The following SCHIP1 variants were observed in gnomAD, a reference collection of about 807,000 sequenced individuals.
The protein encoded by SCHIP1 is schwannomin-interacting protein 1.
Under a neutral mutation model 29.7 loss-of-function variants are expected in SCHIP1, and 8 were observed. The ratio of observed to expected loss-of-function variants is 0.27; its 90% CI spans 0.16 to 0.49. The LOEUF is 0.49. Among genes scored for constraint, SCHIP1 ranks in the 20% least tolerant of loss-of-function variants. The pLI is 0.99. For missense variants in SCHIP1, 193 were observed against 294.6 expected (o/e 0.66, Z 2.52); for synonymous variants, 76 against 94.9 (o/e 0.80, Z 1.16).
At chr3:159,654,139 T>G in the SCHIP1 span, among the ~76,000 whole-genome samples, 1 of 152,142 alleles carries the variant, frequency 6.6e-6, no homozygotes, top group East Asian at 1.9e-4. Context: ...CGCATAAAGA[T>G]GTCAGAGAAA....
In SCHIP1 at chr3:159,875,421, G is replaced by T. The variant is rs564608614; in HGVS notation, c.149+9140G>T. On this transcript the variant is annotated intron_variant, in intron 2 of 6. Transcript: ENST00000445224. ...TGCCTGAGCTATTGCAAAAGAGGGG[G>T]AGGCAGGAAGAAAAAGACCACAGGG... is the stretch of plus-strand genomic sequence containing the variant. Among the ~76,000 whole-genome samples, 134 of 152,248 alleles carry T rather than the reference G, an allele frequency of 8.8e-4. 1 individual carries two copies. Among genetic ancestry groups the T allele is most frequent in the African/African-American group, 2.9e-3 (121 of 41,540 alleles).
chr3:159,437,849 G>C, the SCHIP1 span, among the ~76,000 whole-genome samples: 1 of 152,126 alleles, frequency 6.6e-6, no homozygotes, highest in Non-Finnish European at 1.5e-5. Flanking sequence ...AAAGATACTA[G>C]TAAGAAGTAA....
At chr3:159,740,205 T>C in the SCHIP1 span, among the ~76,000 whole-genome samples, 1 of 152,140 alleles carries the variant, frequency 6.6e-6, no homozygotes, top group Admixed American at 6.5e-5. Context: ...CAATTCTCAT[T>C]TGAGGGGAGG....
chr3:159,294,306 A>G, the SCHIP1 span, among the ~76,000 whole-genome samples: 1 of 152,224 alleles, frequency 6.6e-6, no homozygotes. Flanking sequence ...GTGTGGTTCC[A>G]TCTCTGCCTC....
chr3:159,858,441 T>C, intron 1 of SCHIP1, among the ~76,000 whole-genome samples: 1 of 152,212 alleles, frequency 6.6e-6, no homozygotes, highest in East Asian at 1.9e-4. Context: ...TAGGTGTTTG[T>C]TAAATACCTT....
chr3:159,705,191 T>C, the SCHIP1 span, among the ~76,000 whole-genome samples: 12 of 152,236 alleles, frequency 7.9e-5, no homozygotes, highest in South Asian at 2.5e-3. Flanking sequence ...CTTGAACTCC[T>C]GACTTCAGGG....
the SCHIP1 span, among the ~76,000 whole-genome samples, chr3:159,516,963 A>G: frequency 6.6e-6 from 1 of 152,290 alleles, no homozygotes; most frequent in African/African-American, 2.4e-5. Flanking sequence ...AGATTAGAAA[A>G]TTCTATTTTT....
chr3:159,397,275 T>A, the SCHIP1 span, among the ~76,000 whole-genome samples: 1 of 152,188 alleles, frequency 6.6e-6, no homozygotes, highest in Non-Finnish European at 1.5e-5. Flanking sequence ...AATGTCCTCC[T>A]GTAGCTCAGA....
the SCHIP1 span, among the ~76,000 whole-genome samples, chr3:159,708,660 T>C: frequency 6.6e-6 from 1 of 152,152 alleles, no homozygotes; most frequent in African/African-American, 2.4e-5. Flanking sequence ...CCTTCACACA[T>C]TTACAGAGGT....
At chr3:159,430,848 A>G in the SCHIP1 span, among the ~76,000 whole-genome samples, 9 of 152,074 alleles carry the variant, frequency 5.9e-5, no homozygotes, top group Admixed American at 5.2e-4. Context: ...CCCGTCCCCC[A>G]TGATGTATAG....
At chr3:159,740,771 G>GA in the SCHIP1 span, among the ~76,000 whole-genome samples, 3,123 of 104,846 alleles carry the variant, frequency 0.03, 83 homozygotes, top group African/African-American at 0.049. Flanking sequence ...CAAAAAAAAA[G>GA]AAAAAAAAAA....
At chr3:159,394,445 G>T in the SCHIP1 span, among the ~76,000 whole-genome samples, 1 of 152,110 alleles carries the variant, frequency 6.6e-6, no homozygotes. Flanking sequence ...GATATTGGCT[G>T]TGGGTTTGTC....
chr3:159,461,019 A>G, the SCHIP1 span, among the ~76,000 whole-genome samples: 1 of 152,038 alleles, frequency 6.6e-6, no homozygotes, highest in Non-Finnish European at 1.5e-5. Context: ...AGTTCGTGGA[A>G]CTTGAGGGCT....
chr3:159,473,674 G>GAAAAAAAAAAAAAAAAAAAGAAAAAAAA, the SCHIP1 span, among the ~76,000 whole-genome samples: 1 of 81,446 alleles, frequency 1.2e-5, no homozygotes, highest in Non-Finnish European at 2.4e-5. Context: ...ATGTAACTAC[G>GAAAAAAAAAAAAAAAAAAAGAAAAAAAA]AAAAAAAAAA....
the SCHIP1 span, chr3:159,764,275 G>C: frequency 2.9e-6 from 2 of 685,414 alleles, no homozygotes; most frequent in East Asian, 6.1e-5. This position sits in a 1 kb window ranked among gnomAD's most constrained non-coding sequence, Gnocchi z 6.1. Flanking sequence ...GCGGGCAGGA[G>C]GGAAGCCTCA....
At chr3:159,782,570 C>T in the SCHIP1 span, among the ~76,000 whole-genome samples, 1 of 152,038 alleles carries the variant, frequency 6.6e-6, no homozygotes, top group Non-Finnish European at 1.5e-5. Flanking sequence ...AAATGCATGG[C>T]TTTATGCCTT....
the SCHIP1 span, among the ~76,000 whole-genome samples, chr3:159,392,506 C>A: frequency 1.3e-5 from 2 of 148,980 alleles, no homozygotes. Context: ...CCCCTTCCTG[C>A]GTCCATGTGA....
At chr3:159,561,521 C>T in the SCHIP1 span, among the ~76,000 whole-genome samples, 2 of 152,044 alleles carry the variant, frequency 1.3e-5, no homozygotes, top group Non-Finnish European at 2.9e-5. Flanking sequence ...TGCTCTTGAC[C>T]TTAAAGATAT....
chr3:159,732,981 G>T, the SCHIP1 span, among the ~76,000 whole-genome samples: 521 of 152,316 alleles, frequency 3.4e-3, 5 homozygotes, highest in African/African-American at 0.012. Flanking sequence ...GGAGGTGGGG[G>T]TGCATGTGTG....
Sources: allele counts gnomAD v4.1 joint callset (sites outside exome capture counted in the v4.1 genomes callset), GRCh38; gene constraint gnomAD v4.1.1; non-coding constraint Gnocchi (gnomAD v3.1); transcripts MANE v1.5; gene names NCBI Gene and HGNC (gene_info 2026-07-23, HGNC 2026-07-21).